RAB38: variants seen among roughly 807,000 people sequenced by gnomAD.
RAB38 encodes ras-related protein Rab-38.
A neutral mutation model predicts 18.4 loss-of-function variants in RAB38; 15 were observed. That is an observed-to-expected ratio of 0.82 (90% CI 0.55 to 1.26). The LOEUF is 1.26. Ranked by LOEUF, RAB38 falls within the 50% of genes most tolerant of loss-of-function variation. The pLI is 0.00. For missense variants in RAB38, 294 were observed against 267.4 expected, an observed-to-expected ratio of 1.10 and a Z score of -0.69; for synonymous variants, 101 against 104.4, an observed-to-expected ratio of 0.97 and a Z score of 0.20.
At chr11:88,080,373 A>G in the RAB38 span, among the ~76,000 whole-genome samples, 1 of 151,928 alleles carries the variant, frequency 6.6e-6, no homozygotes, top group East Asian at 1.9e-4. Flanking sequence ...GAAGAAAAAT[A>G]TTGATGAAAA....
chr11:87,916,259 G>A, the RAB38 span, among the ~76,000 whole-genome samples: 305 of 152,028 alleles, frequency 2.0e-3, 8 homozygotes, highest in Admixed American at 0.018. Context: ...ATGGTTTTTC[G>A]CCATCAGACT....
chr11:87,849,939 C>A, the RAB38 span, among the ~76,000 whole-genome samples: 5 of 152,040 alleles, frequency 3.3e-5, no homozygotes, highest in African/African-American at 1.2e-4. Flanking sequence ...TTCAAGGAGG[C>A]TTGATCATAT....
the RAB38 span, among the ~76,000 whole-genome samples, chr11:88,073,423 G>C: frequency 6.6e-6 from 1 of 152,050 alleles, no homozygotes; most frequent in South Asian, 2.1e-4. Context: ...TTGTTTACTA[G>C]AACTGAGGCA....
At chr11:87,932,588 T>A in the RAB38 span, among the ~76,000 whole-genome samples, 6 of 152,094 alleles carry the variant, frequency 3.9e-5, no homozygotes, top group Non-Finnish European at 5.9e-5. Flanking sequence ...ATAAGATACA[T>A]CTCACTTAGA....
chr11:87,914,202 A>G, the RAB38 span, among the ~76,000 whole-genome samples: 11 of 152,214 alleles, frequency 7.2e-5, no homozygotes, highest in South Asian at 2.3e-3. Flanking sequence ...AAAAGAGGGA[A>G]AATTTGAAGC....
chr11:87,894,557 T>C, the RAB38 span, among the ~76,000 whole-genome samples: 1 of 151,606 alleles, frequency 6.6e-6, no homozygotes, highest in South Asian at 2.1e-4. Context: ...TGAACATATG[T>C]AATCCTCTGT....
chr11:87,922,265 A>G, the RAB38 span, among the ~76,000 whole-genome samples: 1 of 151,928 alleles, frequency 6.6e-6, no homozygotes, highest in Non-Finnish European at 1.5e-5. Flanking sequence ...TCTGTCATCC[A>G]CCCCCACAAT....
the RAB38 span, among the ~76,000 whole-genome samples, chr11:87,936,292 A>T: frequency 0.49 from 74,042 of 151,892 alleles, 18,958 homozygotes; most frequent in East Asian, 0.66. Context: ...TGTAAGCCCA[A>T]GTTCCATTTT....
the RAB38 span, among the ~76,000 whole-genome samples, chr11:87,935,474 T>C: frequency 1.3e-5 from 2 of 152,148 alleles, no homozygotes; most frequent in Non-Finnish European, 2.9e-5. Context: ...TTTGTTATTC[T>C]GTCCTGAGAT....
At chr11:87,955,535 G>C in the RAB38 span, among the ~76,000 whole-genome samples, 1 of 152,088 alleles carries the variant, frequency 6.6e-6, no homozygotes, top group African/African-American at 2.4e-5. Context: ...AGTATCAGTA[G>C]ACAATATGAC....
intron 2 of RAB38, among the ~76,000 whole-genome samples, chr11:88,121,279 A>C (rs1942625046): frequency 6.6e-6 from 1 of 152,230 alleles, no homozygotes; most frequent in Non-Finnish European, 1.5e-5. Flanking sequence ...AATGCATATG[A>C]GGTATCTAAA....
chr11:88,054,662 T>C, the RAB38 span, among the ~76,000 whole-genome samples: 1 of 152,212 alleles, frequency 6.6e-6, no homozygotes, highest in Admixed American at 6.5e-5. Flanking sequence ...TGGAAAGATA[T>C]ACAAGGGACA....
chr11:88,117,168 G>T (rs1565208274), intron 2 of RAB38, among the ~76,000 whole-genome samples: 1 of 152,178 alleles, frequency 6.6e-6, no homozygotes, highest in Admixed American at 6.5e-5. Flanking sequence ...ACAAAGAGTA[G>T]CAGTTCATGG....
At chr11:88,135,058 A>C (rs906192624) in intron 2 of RAB38, among the ~76,000 whole-genome samples, 1 of 152,130 alleles carries the variant, frequency 6.6e-6, no homozygotes, top group Non-Finnish European at 1.5e-5. Flanking sequence ...CCGTGATTTT[A>C]TATGGCTCAA....
At chr11:88,139,388 G>C (rs1428314029) in intron 2 of RAB38, among the ~76,000 whole-genome samples, 2 of 152,090 alleles carry the variant, frequency 1.3e-5, no homozygotes, top group African/African-American at 2.4e-5. Flanking sequence ...ACTCACAGGT[G>C]GGGGTAACAG....
the RAB38 span, among the ~76,000 whole-genome samples, chr11:87,868,758 T>C: frequency 6.6e-6 from 1 of 151,664 alleles, no homozygotes; most frequent in Non-Finnish European, 1.5e-5. Context: ...GGGGACATAA[T>C]TGTTGGTACC....
chr11:88,162,662 C>G (rs1943200086), intron 1 of RAB38, among the ~76,000 whole-genome samples: 1 of 151,990 alleles, frequency 6.6e-6, no homozygotes, highest in Non-Finnish European at 1.5e-5. Flanking sequence ...GAACATATAA[C>G]TAGAACATAC....
In RAB38 at chr11:88,173,790, G is replaced by GAGCA. The variant is rs1452252348; in HGVS notation, c.202+1389_202+1392dup. 3.6e-5 allele frequency: 35 copies of GAGCA among 985,234 alleles called. No individual in the cohort carries two copies. In the African/African-American group the frequency reaches 5.9e-4, roughly 17 times the overall value. The allele number at this position is 985,234 out of a possible 1,614,324, so 61.0% of individuals were successfully genotyped here. ...TTCTCTGATAACCCCCTTGCTACTA[G>GAGCA]AGCAGCTGAAGATGACTCCAAATGC... On this transcript the variant is annotated intron_variant, in intron 1 of 2. Coordinates refer to ENST00000243662, the MANE Select transcript of RAB38 (RefSeq NM_022337.3).
chr11:87,961,756 C>T, the RAB38 span, among the ~76,000 whole-genome samples: 2 of 152,198 alleles, frequency 1.3e-5, 1 homozygote, highest in South Asian at 4.1e-4. Flanking sequence ...TGGGTAGCCA[C>T]AGACCAAATA....
Sources: gnomAD v4.1 joint callset for allele counts (sites outside exome capture counted in the v4.1 genomes callset) on GRCh38, gnomAD v4.1.1 for gene constraint, MANE v1.5 for transcripts, NCBI Gene and HGNC (gene_info 2026-07-23, HGNC 2026-07-21) for gene names.